Variants in BIRC2 observed in about 807,000 individuals in gnomAD.
BIRC2 encodes the protein baculoviral IAP repeat-containing protein 2.
In BIRC2, 18 loss-of-function variants were observed where a neutral mutation model predicts 60.9. That is an observed-to-expected ratio of 0.30 (90% CI 0.20 to 0.44). The LOEUF is 0.44. Ranked by LOEUF, BIRC2 falls within the 20% of genes least tolerant of loss-of-function variation. The pLI is 1.00. For synonymous variants in BIRC2, 282 were observed against 247.7 expected, an observed-to-expected ratio of 1.14 and a Z score of -1.30; for missense variants, 701 against 728.5, an observed-to-expected ratio of 0.96 and a Z score of 0.43.
At position 102,368,189 on chromosome 11, in the gene BIRC2, GC is replaced by G. The variant is rs35117095; in HGVS notation, c.1124-116del. The G allele has an allele frequency of 2.1e-3, 2,439 of 1,186,570 alleles. 63 individuals carry two copies. The Admixed American group carries it at 0.043, about 21-fold the overall frequency. 73.5% of individuals were successfully genotyped at this position (1,186,570 alleles called of 1,614,324 possible). ...GAGTTATAGGTAATCGATGCATATA[GC>G]TCATCTCCTTTACCAGAATATGAGA... On this transcript the variant is annotated intron_variant, in intron 5 of 8. Transcript: ENST00000227758.
chr11:102,368,363 C>T lies in BIRC2; in HGVS notation c.1181C>T (p.Pro394Leu). Reference sequence around the variant, plus strand: ...GAAGATGCTGTCATGATGAATACACCTGTGGTTAAATCTGCCTTGGAAATG... The same window carrying T: ...GAAGATGCTGTCATGATGAATACACTTGTGGTTAAATCTGCCTTGGAAATG... ...SSEDAVMMNT[P>L]VVKSALEMGF... The change falls in exon 6 of 9, where the codon CCT becomes CTT. Residue 394 changes from proline (P) to leucine (L), a missense_variant. Around this residue, in one of 4 missense-constraint regions of BIRC2, gnomAD observed 235 missense variants for 208.9 expected, o/e 1.12. Coordinates refer to ENST00000227758, the MANE Select transcript of BIRC2 (RefSeq NM_001166.5). 3 of 1,613,894 alleles carry T rather than the reference C, an allele frequency of 1.9e-6. No homozygotes were observed. Among genetic ancestry groups the T allele is most frequent in the Non-Finnish European group, 2.5e-6 (3 of 1,179,924 alleles).
intron 5 of BIRC2, among the ~76,000 whole-genome samples, chr11:102,364,167 A>ATATATATATATATATATATG (rs1951521691): frequency 2.1e-5 from 2 of 94,174 alleles, no homozygotes; most frequent in African/African-American, 1.1e-4. Flanking sequence ...ATATATATAT[A>ATATATATATATATATATATG]TATATATACA....
chr11:102,358,999 A>G (rs1191307588), intron 3 of BIRC2, among the ~76,000 whole-genome samples: 1 of 152,120 alleles, frequency 6.6e-6, no homozygotes, highest in African/African-American at 2.4e-5. Flanking sequence ...GTCATTTTGT[A>G]ATTGTTTTCT....
intron 3 of BIRC2, among the ~76,000 whole-genome samples, chr11:102,353,591 T>TA (rs761006885): frequency 4.6e-5 from 7 of 152,100 alleles, no homozygotes; most frequent in Non-Finnish European, 1.0e-4. Flanking sequence ...GTGCTGGGCT[T>TA]ACAGGCATGA....
intron 5 of BIRC2, among the ~76,000 whole-genome samples, chr11:102,366,593 A>G (rs1454025640): frequency 6.6e-6 from 1 of 151,298 alleles, no homozygotes; most frequent in Admixed American, 6.6e-5. Context: ...GATGGTCTCG[A>G]TCTCCTCACC....
intron 3 of BIRC2, among the ~76,000 whole-genome samples, chr11:102,359,485 T>C (rs1302654505): frequency 1.3e-5 from 2 of 152,212 alleles, no homozygotes; most frequent in African/African-American, 2.4e-5. Flanking sequence ...GTCCTTTCAT[T>C]TCAGCTTGGA....
intron 5 of BIRC2, among the ~76,000 whole-genome samples, chr11:102,365,165 G>T (rs1445453045): frequency 1.3e-5 from 2 of 152,084 alleles, no homozygotes; most frequent in South Asian, 2.1e-4. Context: ...AATTGTCCTT[G>T]CCCTTTTCTA....
At chr11:102,372,765 G>T (rs1565338524) in intron 6 of BIRC2, among the ~76,000 whole-genome samples, 1 of 124,884 alleles carries the variant, frequency 8.0e-6, no homozygotes, top group African/African-American at 3.2e-5. Context: ...TTGACAGTGG[G>T]GTGTTAAAGT....
At chr11:102,369,260 C>T (rs1046130516) in intron 6 of BIRC2, among the ~76,000 whole-genome samples, 3 of 148,480 alleles carry the variant, frequency 2.0e-5, no homozygotes, top group African/African-American at 7.5e-5. Flanking sequence ...GTGCGCTGCA[C>T]CCACTAACTC....
intron 6 of BIRC2, among the ~76,000 whole-genome samples, chr11:102,374,988 G>T (rs945488373): frequency 6.6e-6 from 1 of 152,196 alleles, no homozygotes; most frequent in Non-Finnish European, 1.5e-5. Flanking sequence ...GACCCCTTGG[G>T]CTTCCCAAGT....
chr11:102,351,399 G>C (rs1211292519), intron 3 of BIRC2, among the ~76,000 whole-genome samples: 2 of 152,066 alleles, frequency 1.3e-5, no homozygotes, highest in Non-Finnish European at 1.5e-5. Context: ...TGGATCACCT[G>C]AGGTCAGGAG....
intron 3 of BIRC2, among the ~76,000 whole-genome samples, chr11:102,355,059 C>T (rs1309676589): frequency 6.7e-6 from 1 of 148,844 alleles, no homozygotes; most frequent in Non-Finnish European, 1.5e-5. Context: ...CTGTAGGTTG[C>T]CTTTTTATTT....
At position 102,350,029 on chromosome 11, in the gene BIRC2, G is replaced by A. The variant is rs2135802492; in HGVS notation, c.175G>A (p.Gly59Arg). 1.9e-6 allele frequency: 3 copies of A among 1,614,114 alleles called. No homozygotes were observed. The South Asian group carries it at 3.3e-5, about 18-fold the overall frequency. The stretch of plus-strand genomic sequence containing the variant: ...GTCTACATATTCAACTTTCCCCGCC[G>A]GGGTGCCTGTCTCAGAAAGGAGTCT... ...RMSTYSTFPA[G>R]VPVSERSLAR... The change falls in exon 2 of 9, where the codon GGG (glycine) becomes AGG (arginine). Residue 59 changes from glycine (G) to arginine (R), a missense_variant. By Grantham distance (125) the Gly-to-Arg change is moderately radical. Around this residue, in one of 4 missense-constraint regions of BIRC2, gnomAD observed 375 missense variants for 365.9 expected, o/e 1.02. Coordinates refer to ENST00000227758, the MANE Select transcript of BIRC2 (RefSeq NM_001166.5).
chr11:102,362,677 G>T (rs1591537722), intron 3 of BIRC2: 30 of 396,544 alleles, frequency 7.6e-5, no homozygotes, highest in East Asian at 1.2e-4. Flanking sequence ...TTGTGTTAAT[G>T]GATTGAATTA....
In BIRC2 at chr11:102,347,256, G is replaced by T. The variant is rs1029516619; in HGVS notation, c.-1378G>T. ...GCCCGGATGGGGCGGCGGGCTTCGG[G>T]AGCGCCCGGGCTGATCCGAGCCGAG... On this transcript the variant is annotated 5_prime_UTR_variant, in exon 1 of 9. Coordinates refer to ENST00000227758, the MANE Select transcript of BIRC2 (RefSeq NM_001166.5). 2 of 152,328 alleles carry T rather than the reference G, an allele frequency of 1.3e-5. No individual in the cohort carries two copies. Among genetic ancestry groups the T allele is most frequent in the African/African-American group, 4.8e-5 (2 of 41,478 alleles). The allele number at this position is 152,328 out of a possible 1,614,324, so 9.4% of individuals were successfully genotyped here. A position where few individuals can be genotyped will look rare whatever the true frequency, so the allele number is the denominator to read the frequency against.
At chr11:102,366,431 A>G (rs1195651476) in intron 5 of BIRC2, among the ~76,000 whole-genome samples, 1 of 151,512 alleles carries the variant, frequency 6.6e-6, no homozygotes, top group Non-Finnish European at 1.5e-5. Context: ...CAGTGGCGCA[A>G]TTTTGGCTCA....
At chr11:102,374,818 G>T (rs1951687518) in intron 6 of BIRC2, among the ~76,000 whole-genome samples, 1 of 152,368 alleles carries the variant, frequency 6.6e-6, no homozygotes, top group African/African-American at 2.4e-5. Context: ...CAATCAGCGA[G>T]ACTCCGTGGG....
At chr11:102,375,309 G>A (rs1951697071) in intron 6 of BIRC2, among the ~76,000 whole-genome samples, 1 of 152,162 alleles carries the variant, frequency 6.6e-6, no homozygotes, top group African/African-American at 2.4e-5. Context: ...CAAAAGACAG[G>A]GTTAAAGGGC....
intron 4 of BIRC2, 72 bp downstream of exon 4, chr11:102,363,046 A>AT (rs1412743887): frequency 1.7e-6 from 2 of 1,173,164 alleles, no homozygotes; most frequent in Non-Finnish European, 2.4e-6. Flanking sequence ...AGGTTGGTAT[A>AT]AAAGTGATCA....
Sources: gnomAD v4.1 joint callset for allele counts (sites outside exome capture counted in the v4.1 genomes callset) on GRCh38, gnomAD v4.1.1 for gene constraint, gnomAD v4.1.1 regional missense constraint, MANE v1.5 for transcripts, NCBI Gene and HGNC (gene_info 2026-07-23, HGNC 2026-07-21) for gene names.